CLASP1: variants seen among roughly 807,000 people sequenced by gnomAD.
CLASP1 encodes the protein CLIP-associating protein 1.
In CLASP1, 38 loss-of-function variants were observed where a neutral mutation model predicts 192.3. The observed-to-expected ratio is 0.20, with a 90% CI of 0.15 to 0.26. CLASP1 has a LOEUF of 0.26. Among genes scored for constraint, CLASP1 ranks in the 10% least tolerant of loss-of-function variants. The pLI, the probability that CLASP1 is intolerant of heterozygous loss-of-function variation, is 1.00. For synonymous variants in CLASP1, 691 were observed against 712.8 expected, an observed-to-expected ratio of 0.97 and a Z score of 0.49; for missense variants, 1,433 against 1,932.5, an observed-to-expected ratio of 0.74 and a Z score of 4.85.
chr2:121,506,810 A>C (rs149205105), intron 7 of CLASP1, among the ~76,000 whole-genome samples: 2,054 of 152,330 alleles, frequency 0.013, 41 homozygotes, highest in African/African-American at 0.04. Flanking sequence ...ATCTCTGTTC[A>C]ATCATTAGCT....
At chr2:121,569,301 T>C (rs2059780869) in intron 2 of CLASP1, among the ~76,000 whole-genome samples, 1 of 152,152 alleles carries the variant, frequency 6.6e-6, no homozygotes, top group Non-Finnish European at 1.5e-5. Flanking sequence ...ATATAGCTCA[T>C]AACACAGAGA....
At chr2:121,456,317 A>G (rs1362211071) in intron 14 of CLASP1, among the ~76,000 whole-genome samples, 2 of 151,484 alleles carry the variant, frequency 1.3e-5, no homozygotes, top group Non-Finnish European at 2.9e-5. Context: ...CTTGGGCAAC[A>G]TAATGAGACC....
intron 32 of CLASP1, 115 bp from the exon 34 acceptor site, chr2:121,382,439 T>TATTAAAGTTAATCA (rs1239879456): frequency 6.4e-5 from 43 of 669,910 alleles, no homozygotes; most frequent in Non-Finnish European, 6.4e-5. Flanking sequence ...GACAAAGTTC[T>TATTAAAGTTAATCA]ATTAAAGTTA....
intron 8 of CLASP1, among the ~76,000 whole-genome samples, chr2:121,484,545 C>A (rs1017163607): frequency 4.6e-5 from 7 of 152,310 alleles, no homozygotes; most frequent in South Asian, 2.1e-4. Context: ...GGGCCAGGGT[C>A]TTGGGCCCCA....
chr2:121,536,249 CG>C (rs1559552147), intron 2 of CLASP1, among the ~76,000 whole-genome samples: 1 of 151,410 alleles, frequency 6.6e-6, no homozygotes, highest in African/African-American at 2.4e-5. Flanking sequence ...GGCGTTGTGA[CG>C]GGCACCTGTA....
intron 18 of CLASP1, 120 bp from the exon 19 acceptor site, chr2:121,447,627 A>T (rs941996067): frequency 3.4e-6 from 3 of 879,644 alleles, no homozygotes; most frequent in African/African-American, 1.7e-5. Flanking sequence ...CAAATGCTGG[A>T]GCATAAAAAA....
intron 1 of CLASP1, among the ~76,000 whole-genome samples, chr2:121,619,885 C>A (rs973719244): frequency 1.3e-5 from 2 of 152,056 alleles, no homozygotes; most frequent in Non-Finnish European, 2.9e-5. Flanking sequence ...TGGTGATGGG[C>A]ATTCCAGGGT....
At chr2:121,448,870 CAT>C in intron 17 of CLASP1, 81 bp downstream of exon 17, 1 of 1,404,244 alleles carries the variant, frequency 7.1e-7, no homozygotes, top group Non-Finnish European at 9.7e-7. Context: ...CATGTAAAAA[CAT>C]AGCTAGAATT....
At chr2:121,599,080 G>A (rs1350010484) in intron 2 of CLASP1, among the ~76,000 whole-genome samples, 2 of 151,820 alleles carry the variant, frequency 1.3e-5, no homozygotes, top group African/African-American at 4.8e-5. Flanking sequence ...GGCCAGGCTG[G>A]TCGTGAACTC....
intron 2 of CLASP1, among the ~76,000 whole-genome samples, chr2:121,592,843 G>A (rs1327116072): frequency 1.3e-5 from 2 of 152,030 alleles, no homozygotes; most frequent in Non-Finnish European, 2.9e-5. Context: ...TAGTAGAGAC[G>A]GGGTTTCACC....
At chr2:121,405,992 T>C (rs2076860527) in intron 25 of CLASP1, among the ~76,000 whole-genome samples, 1 of 152,204 alleles carries the variant, frequency 6.6e-6, no homozygotes, top group South Asian at 2.1e-4. Flanking sequence ...TAACTTATCT[T>C]ATAAAAATCA....
chr2:121,407,917 T>C lies in CLASP1; in HGVS notation c.2425-202A>G, dbSNP rs1342304416. 1.5e-5 allele frequency: 11 copies of C among 725,440 alleles called. No individual in the cohort carries two copies. In the African/African-American group the frequency reaches 1.5e-4, roughly 10 times the overall value. The allele number at this position is 725,440 out of a possible 1,614,324, so 44.9% of individuals were successfully genotyped here. A position where few individuals can be genotyped will look rare whatever the true frequency, so the allele number is the denominator to read the frequency against. On this transcript the variant is annotated intron_variant, in intron 24 of 39. Transcript: ENST00000263710. ...TTAGGTAAATAAGCAAAGCACTCTG[T>C]AGTAGAAGGGAAAGAGTATGGCCTC...
chr2:121,366,817 A>C (rs1241339128), intron 35 of CLASP1, among the ~76,000 whole-genome samples: 3 of 152,260 alleles, frequency 2.0e-5, no homozygotes, highest in African/African-American at 7.2e-5. Context: ...TGAGAGGTGA[A>C]AAAATAATTC....
chr2:121,407,482 T>C (rs2077093591), exon 25 of CLASP1: 1 of 1,613,986 alleles, frequency 6.2e-7, no homozygotes, highest in Non-Finnish European at 8.5e-7. Context: ...TCAGTGTTCT[T>C]TGGCTCTTCA....
At chr2:121,460,480 G>A (rs1035017359) in intron 11 of CLASP1, among the ~76,000 whole-genome samples, 2 of 151,890 alleles carry the variant, frequency 1.3e-5, no homozygotes, top group Admixed American at 6.6e-5. Flanking sequence ...ACCTCCCCGC[G>A]ACACCCCACT....
intron 2 of CLASP1, among the ~76,000 whole-genome samples, chr2:121,602,127 A>G (rs2063858976): frequency 6.6e-6 from 1 of 151,608 alleles, no homozygotes; most frequent in Non-Finnish European, 1.5e-5. Flanking sequence ...GTGAGCCGAG[A>G]TTACGCCACT....
rs554238000 is a variant in CLASP1, at chr2:121,402,635, T to A, written c.2734-765A>T. The A allele has an allele frequency of 1.1e-4, 58 of 519,000 alleles. 1 individual carries two copies. The highest frequency in any genetic ancestry group is 7.7e-4 in the South Asian group (55 of 71,584). The allele number at this position is 519,000 out of a possible 1,614,324, so 32.1% of individuals were successfully genotyped here. A position where few individuals can be genotyped will look rare whatever the true frequency, so the allele number is the denominator to read the frequency against. ...TGATGGAAACAAATTTCCTTCTTTA[T>A]CCTCACATTCTGCTTCTGAATCAGC... On this transcript the variant is annotated intron_variant, in intron 26 of 39. Transcript: ENST00000263710.
chr2:121,593,153 G>A (rs2062625916), intron 2 of CLASP1, among the ~76,000 whole-genome samples: 1 of 152,238 alleles, frequency 6.6e-6, no homozygotes, highest in Admixed American at 6.5e-5. Context: ...GCCTCCCGAT[G>A]TGAGGCACTG....
intron 8 of CLASP1, among the ~76,000 whole-genome samples, chr2:121,478,192 G>A (rs1478732265): frequency 6.6e-6 from 1 of 152,032 alleles, no homozygotes; most frequent in African/African-American, 2.4e-5. Context: ...CATCATAGTT[G>A]TCATATTAAT....
Sources: allele counts gnomAD v4.1 joint callset (sites outside exome capture counted in the v4.1 genomes callset), GRCh38; gene constraint gnomAD v4.1.1; transcripts MANE v1.5; gene names NCBI Gene and HGNC (gene_info 2026-07-23, HGNC 2026-07-21).